THSD4: variants seen among roughly 807,000 people sequenced by gnomAD.
THSD4 encodes thrombospondin type 1 domain containing 4, also known as thrombospondin type-1 domain-containing protein 4.
THSD4 carries 69 observed loss-of-function variants against 119.0 expected under a neutral mutation model. The ratio of observed to expected loss-of-function variants is 0.58; its 90% CI spans 0.48 to 0.71. The LOEUF (loss-of-function observed/expected upper bound fraction) is 0.71, where lower values mean the gene tolerates loss of function less well. Among genes scored for constraint, THSD4 ranks in the 30% least tolerant of loss-of-function variants. The pLI is 0.00. For missense variants in THSD4, 1,393 were observed against 1,391.1 expected, an observed-to-expected ratio of 1.00 and a Z score of -0.02; for synonymous variants, 524 against 540.4, an observed-to-expected ratio of 0.97 and a Z score of 0.42.
intron 6 of THSD4, among the ~76,000 whole-genome samples, chr15:71,360,464 A>T (rs1031869348): frequency 4.6e-5 from 7 of 152,214 alleles, no homozygotes; most frequent in Admixed American, 1.3e-4. Flanking sequence ...GAAGAAATTG[A>T]TGGTGGCCAT....
At chr15:71,736,916 A>G (rs1483642329) in intron 10 of THSD4, among the ~76,000 whole-genome samples, 2 of 152,358 alleles carry the variant, frequency 1.3e-5, no homozygotes, top group East Asian at 1.9e-4. Context: ...TAAATCACAC[A>G]CAAATTAGTA....
At chr15:71,597,970 A>G (rs886990936) in intron 7 of THSD4, among the ~76,000 whole-genome samples, 1 of 152,104 alleles carries the variant, frequency 6.6e-6, no homozygotes, top group Non-Finnish European at 1.5e-5. Context: ...TATGGTCCCA[A>G]TCCTGTGCTG....
At chr15:71,587,800 G>GAAAAAAAAAAAAAAAA (rs1555429620) in intron 7 of THSD4, among the ~76,000 whole-genome samples, 11 of 39,124 alleles carry the variant, frequency 2.8e-4, no homozygotes, top group Non-Finnish European at 4.7e-4. Context: ...AAAAAAAAAA[G>GAAAAAAAAAAAAAAAA]AAAAAAAAAA....
chr15:71,539,940 A>G (rs547592109), intron 7 of THSD4, among the ~76,000 whole-genome samples: 7 of 152,216 alleles, frequency 4.6e-5, no homozygotes, highest in African/African-American at 1.7e-4. Context: ...ATCATGATAA[A>G]TATTACACTG....
At chr15:71,625,969 C>T (rs1414606659) in intron 7 of THSD4, among the ~76,000 whole-genome samples, 1 of 152,222 alleles carries the variant, frequency 6.6e-6, no homozygotes, top group Non-Finnish European at 1.5e-5. Flanking sequence ...TTTTGTCATT[C>T]AAAATTGTGG....
Position 71,780,806 on chromosome 15 carries a change from G to A in THSD4, c.*3432G>A. On this transcript the variant is annotated 3_prime_UTR_variant, in exon 18 of 18. Coordinates refer to ENST00000261862, the MANE Select transcript of THSD4 (RefSeq NM_024817.3). ...CATCTACTTATTCTCAAAGTATTTA[G>A]CATTCAACACTCTTTTTGCTTTAAA... The A allele has an allele frequency of 2.2e-6, 1 of 456,002 alleles. No individual in the cohort carries two copies. The highest frequency in any genetic ancestry group is 4.4e-6 in the Non-Finnish European group (1 of 226,688). The allele number at this position is 456,002 out of a possible 1,614,324, so 28.2% of individuals were successfully genotyped here. A position where few individuals can be genotyped will look rare whatever the true frequency, so the allele number is the denominator to read the frequency against.
Position 71,780,825 on chromosome 15 carries a change from C to A in THSD4, c.*3451C>A, listed in dbSNP as rs1231441719. Reference sequence around the variant, plus strand: ...TATTTAGCATTCAACACTCTTTTTGCTTTAAAAAGAATGGCCTTACAAAGG... The same window carrying A: ...TATTTAGCATTCAACACTCTTTTTGATTTAAAAAGAATGGCCTTACAAAGG... On this transcript the variant is annotated 3_prime_UTR_variant, in exon 18 of 18. Coordinates refer to ENST00000261862, the MANE Select transcript of THSD4 (RefSeq NM_024817.3). 1 of 455,440 alleles carries A rather than the reference C, an allele frequency of 2.2e-6. No homozygotes were observed. Among genetic ancestry groups the A allele is most frequent in the Admixed American group, 2.4e-5 (1 of 42,208 alleles). The allele number at this position is 455,440 out of a possible 1,614,324, so 28.2% of individuals were successfully genotyped here.
intron 9 of THSD4, 33 bp from the exon 10 acceptor site, chr15:71,731,088 C>G: frequency 1.9e-6 from 3 of 1,610,316 alleles, no homozygotes; most frequent in South Asian, 2.2e-5. Context: ...GCATACGTGC[C>G]AAGTGCGGTA....
intron 17 of THSD4, 99 bp from the exon 18 acceptor site, chr15:71,777,133 C>A: frequency 7.3e-7 from 1 of 1,376,864 alleles, no homozygotes; most frequent in Non-Finnish European, 1.0e-6. Context: ...TAAACAGCAG[C>A]GCAGGAGTTA....
chr15:71,712,597 G>A (rs2052538360), intron 8 of THSD4, among the ~76,000 whole-genome samples: 1 of 152,140 alleles, frequency 6.6e-6, no homozygotes, highest in Non-Finnish European at 1.5e-5. Flanking sequence ...AAACAATAGA[G>A]AAAATTAAGA....
chr15:71,169,490 C>G (rs2141400948), intron 3 of THSD4, among the ~76,000 whole-genome samples: 1 of 152,226 alleles, frequency 6.6e-6, no homozygotes, highest in South Asian at 2.1e-4. Flanking sequence ...AGAGTAGTTT[C>G]CTTTACAATA....
chr15:71,712,471 A>T (rs530532797), intron 8 of THSD4, among the ~76,000 whole-genome samples: 8 of 152,334 alleles, frequency 5.3e-5, no homozygotes, highest in African/African-American at 1.9e-4. Flanking sequence ...CTAGGAAAAG[A>T]AGAGCAAGTT....
chr15:71,721,278 G>A (rs2052717011), intron 8 of THSD4, among the ~76,000 whole-genome samples: 1 of 152,202 alleles, frequency 6.6e-6, no homozygotes, highest in Non-Finnish European at 1.5e-5. Flanking sequence ...GGAGGCCGAG[G>A]CAGGCAGATC....
chr15:71,149,218 G>A (rs1295583852), intron 2 of THSD4, among the ~76,000 whole-genome samples: 1 of 151,774 alleles, frequency 6.6e-6, no homozygotes, highest in Non-Finnish European at 1.5e-5. Flanking sequence ...AGAGGGCTGA[G>A]CTGAGCATAG....
intron 1 of THSD4, among the ~76,000 whole-genome samples, chr15:71,120,243 A>G (rs963299547): frequency 6.6e-6 from 1 of 152,036 alleles, no homozygotes; most frequent in Non-Finnish European, 1.5e-5. Flanking sequence ...CCCCTTCCCC[A>G]GCTTCCCTTT....
chr15:71,452,332 ACT>A (rs943909886), intron 7 of THSD4, among the ~76,000 whole-genome samples: 2 of 151,852 alleles, frequency 1.3e-5, no homozygotes, highest in African/African-American at 2.4e-5. Flanking sequence ...GGTTCCCAAA[ACT>A]CTCTGTAGTT....
rs1356932351 is a variant in THSD4 at position 71,735,472 on chromosome 15, T to TCTCTC, written c.1631-2260_1631-2259insCTCTC. ...TCTCACTCTCTCTCTCTCTCTCTCT[T>TCTCTC]TCTCACTAGCTCTCTGTCTTGCTCT... On this transcript the variant is annotated intron_variant, in intron 10 of 17. Transcript: ENST00000261862. Among the ~76,000 whole-genome samples, 72 of 144,780 alleles carry TCTCTC rather than the reference T, an allele frequency of 5.0e-4. 1 individual carries two copies. Among genetic ancestry groups the TCTCTC allele is most frequent in the African/African-American group, 1.6e-3 (63 of 38,786 alleles). The allele number at this position is 144,780 out of a possible 152,430, so 95.0% of individuals were successfully genotyped here.
chr15:71,513,920 A>G (rs902296099), intron 7 of THSD4, among the ~76,000 whole-genome samples: 4 of 152,226 alleles, frequency 2.6e-5, no homozygotes, highest in Non-Finnish European at 4.4e-5. Flanking sequence ...CCAAACACAC[A>G]AGAATTGATC....
intron 6 of THSD4, among the ~76,000 whole-genome samples, chr15:71,280,622 C>T (rs1356188409): frequency 6.7e-6 from 1 of 148,858 alleles, no homozygotes; most frequent in Non-Finnish European, 1.5e-5. Context: ...CTCTCTCTCT[C>T]ATTTTTCCTG....
Sources: allele counts gnomAD v4.1 joint callset (sites outside exome capture counted in the v4.1 genomes callset), GRCh38; gene constraint gnomAD v4.1.1; transcripts MANE v1.5; gene names NCBI Gene and HGNC (gene_info 2026-07-23, HGNC 2026-07-21).